Variants in NFIA observed in about 807,000 individuals in gnomAD.
NFIA encodes the protein nuclear factor I A, also known as nuclear factor 1 A-type.
A neutral mutation model predicts 62.8 loss-of-function variants in NFIA; 8 were observed. The observed-to-expected ratio is 0.13, with a 90% CI of 0.07 to 0.23. The LOEUF (loss-of-function observed/expected upper bound fraction) is 0.23, where lower values mean the gene tolerates loss of function less well. NFIA is among the 10% of genes least tolerant of loss of function. NFIA has a pLI of 1.00. For synonymous variants in NFIA, 235 were observed against 238.1 expected (o/e 0.99, Z 0.12); for missense variants, 410 against 642.1 (o/e 0.64, Z 3.91).
At chr1:61,297,451 C>T (rs1429794705) in intron 3 of NFIA, among the ~76,000 whole-genome samples, 1 of 152,186 alleles carries the variant, frequency 6.6e-6, no homozygotes, top group Non-Finnish European at 1.5e-5. Context: ...AGCCCCATTA[C>T]CTTCCTTGGA....
chr1:61,266,756 A>G (rs900401467), intron 2 of NFIA, among the ~76,000 whole-genome samples: 1 of 152,210 alleles, frequency 6.6e-6, no homozygotes, highest in Non-Finnish European at 1.5e-5. Flanking sequence ...AACATGTGTT[A>G]GTATCTGTAT....
At chr1:61,233,428 C>T (rs144397053) in intron 2 of NFIA, among the ~76,000 whole-genome samples, 5 of 152,096 alleles carry the variant, frequency 3.3e-5, no homozygotes, top group Non-Finnish European at 5.9e-5. Flanking sequence ...TTGACCGTCA[C>T]GATGCTAAGC....
chr1:61,330,200 T>C (rs1661217028), intron 3 of NFIA, among the ~76,000 whole-genome samples: 1 of 152,146 alleles, frequency 6.6e-6, no homozygotes, highest in African/African-American at 2.4e-5. Flanking sequence ...ATACTTAGAT[T>C]TATGGGTTTG....
At chr1:61,411,968 C>T (rs945749282) in intron 9 of NFIA, among the ~76,000 whole-genome samples, 8 of 151,708 alleles carry the variant, frequency 5.3e-5, no homozygotes, top group Non-Finnish European at 7.4e-5. Context: ...TAAATTACAC[C>T]GGTTCTTATA....
At chr1:61,139,387 C>A (rs1025157696) in intron 2 of NFIA, among the ~76,000 whole-genome samples, 1 of 152,122 alleles carries the variant, frequency 6.6e-6, no homozygotes, top group African/African-American at 2.4e-5. Context: ...TGAGGGGCTC[C>A]GTGCAGCTTG....
At chr1:61,447,635 C>G (rs927571469) in intron 10 of NFIA, among the ~76,000 whole-genome samples, 10 of 152,202 alleles carry the variant, frequency 6.6e-5, no homozygotes, top group Non-Finnish European at 1.2e-4. Flanking sequence ...TCCCCTTAAT[C>G]TCCACGCTGC....
At chr1:61,264,035 G>T (rs1656947830) in intron 2 of NFIA, among the ~76,000 whole-genome samples, 1 of 152,034 alleles carries the variant, frequency 6.6e-6, no homozygotes, top group Admixed American at 6.5e-5. Flanking sequence ...AGAGTTGAAT[G>T]AATGGAATTC....
At chr1:61,357,356 C>T (rs556351556) in intron 5 of NFIA, among the ~76,000 whole-genome samples, 5 of 152,302 alleles carry the variant, frequency 3.3e-5, no homozygotes, top group South Asian at 2.1e-4. Flanking sequence ...CTTTAGATTT[C>T]GGACTGTGAG....
intron 4 of NFIA, among the ~76,000 whole-genome samples, chr1:61,346,931 A>G (rs1312098562): frequency 6.6e-6 from 1 of 152,194 alleles, no homozygotes; most frequent in African/African-American, 2.4e-5. Context: ...GAAGCCCCTT[A>G]TAACACCATC....
intron 2 of NFIA, among the ~76,000 whole-genome samples, chr1:61,189,776 T>C (rs944754911): frequency 6.6e-6 from 1 of 152,186 alleles, no homozygotes; most frequent in African/African-American, 2.4e-5. Context: ...TCAGTTTGCC[T>C]ATATTAAAAA....
chr1:61,205,752 T>C (rs1652849553), intron 2 of NFIA, among the ~76,000 whole-genome samples: 1 of 152,100 alleles, frequency 6.6e-6, no homozygotes, highest in South Asian at 2.1e-4. Flanking sequence ...GTTTGTTGAA[T>C]TGAGCGGACG....
At chr1:61,371,652 G>T (rs958514029) in intron 6 of NFIA, among the ~76,000 whole-genome samples, 8 of 152,104 alleles carry the variant, frequency 5.3e-5, no homozygotes, top group African/African-American at 1.9e-4. Flanking sequence ...CTTCCTTGAG[G>T]GAGCAATTCA....
intron 2 of NFIA, among the ~76,000 whole-genome samples, chr1:61,231,063 C>T (rs1289698176): frequency 6.6e-6 from 1 of 152,156 alleles, no homozygotes; most frequent in African/African-American, 2.4e-5. Context: ...TACTAGTGAC[C>T]CCCACTAGAG....
intron 3 of NFIA, among the ~76,000 whole-genome samples, chr1:61,314,506 A>G (rs1278825229): frequency 6.6e-6 from 1 of 152,230 alleles, no homozygotes; most frequent in Non-Finnish European, 1.5e-5. Flanking sequence ...ATATTCCTCT[A>G]ATAATGATAA....
chr1:61,081,829 T>TGGTGG, upstream of NFIA: 1 of 1,497,952 alleles, frequency 6.7e-7, no homozygotes, highest in Non-Finnish European at 8.9e-7. Context: ...TGCCGACGAA[T>TGGTGG]CTATTCCCAC....
chr1:61,102,917 G>A (rs1297341528), intron 2 of NFIA, among the ~76,000 whole-genome samples: 3 of 152,196 alleles, frequency 2.0e-5, no homozygotes, highest in Non-Finnish European at 2.9e-5. Flanking sequence ...AGAAGTTAAA[G>A]TCTGAGAGGG....
intron 2 of NFIA, among the ~76,000 whole-genome samples, chr1:61,222,527 C>T (rs1027575937): frequency 6.6e-6 from 1 of 151,960 alleles, no homozygotes; most frequent in Non-Finnish European, 1.5e-5. Flanking sequence ...CTTTCTTTAA[C>T]TTAGGAAAAG....
intron 10 of NFIA, among the ~76,000 whole-genome samples, chr1:61,439,164 G>A (rs1225357145): frequency 1.3e-5 from 2 of 151,896 alleles, no homozygotes; most frequent in Non-Finnish European, 2.9e-5. Flanking sequence ...GCACCCCCAA[G>A]CCCCCACACT....
intron 2 of NFIA, among the ~76,000 whole-genome samples, chr1:61,117,657 C>T (rs562124080): frequency 2.6e-5 from 4 of 152,176 alleles, no homozygotes; most frequent in South Asian, 4.1e-4. Context: ...ACAAGGTTAT[C>T]GTATATTTCA....
Sources: allele counts gnomAD v4.1 joint callset (sites outside exome capture counted in the v4.1 genomes callset), GRCh38; gene constraint gnomAD v4.1.1; transcripts MANE v1.5; gene names NCBI Gene and HGNC (gene_info 2026-07-23, HGNC 2026-07-21).